SMG6: variants seen among roughly 807,000 people sequenced by gnomAD.
SMG6 encodes telomerase-binding protein EST1A.
SMG6 carries 66 observed loss-of-function variants against 142.2 expected under a neutral mutation model. That is an observed-to-expected ratio of 0.46 (90% confidence interval 0.38 to 0.57). SMG6 has a LOEUF of 0.57. SMG6 is among the 20% of genes least tolerant of loss of function. SMG6 has a pLI of 0.00. For missense variants in SMG6, 1,793 were observed against 1,832.0 expected (o/e 0.98, Z 0.39); for synonymous variants, 779 against 702.4 (o/e 1.11, Z -1.72).
chr17:2,098,258 C>T (rs556497581), intron 13 of SMG6, among the ~76,000 whole-genome samples: 2 of 152,138 alleles, frequency 1.3e-5, no homozygotes, highest in South Asian at 4.2e-4. Flanking sequence ...AGTGTTCGGA[C>T]TACAGGTGTG....
intron 13 of SMG6, among the ~76,000 whole-genome samples, chr17:2,131,491 G>A (rs2070119782): frequency 6.6e-6 from 1 of 151,920 alleles, no homozygotes; most frequent in Non-Finnish European, 1.5e-5. Context: ...GTAGAGACTG[G>A]GTTTCACTAT....
chr17:2,192,744 T>C (rs1236541639), intron 10 of SMG6, among the ~76,000 whole-genome samples: 1 of 152,166 alleles, frequency 6.6e-6, no homozygotes, highest in Non-Finnish European at 1.5e-5. Context: ...AAAACCTCCT[T>C]GTCTACAGGA....
chr17:2,084,316 G>A (rs1444001925), intron 14 of SMG6, among the ~76,000 whole-genome samples: 1 of 152,232 alleles, frequency 6.6e-6, no homozygotes, highest in African/African-American at 2.4e-5. Flanking sequence ...TGCCCTGCCA[G>A]CTTTAGCAAG....
At chr17:2,166,041 G>A (rs569229639) in intron 13 of SMG6, among the ~76,000 whole-genome samples, 2 of 152,134 alleles carry the variant, frequency 1.3e-5, no homozygotes, top group East Asian at 1.9e-4. Flanking sequence ...GCAAAACCCC[G>A]TCTCTACTAA....
At chr17:2,268,636 G>A (rs1482631089) in intron 8 of SMG6, among the ~76,000 whole-genome samples, 1 of 152,246 alleles carries the variant, frequency 6.6e-6, no homozygotes, top group Non-Finnish European at 1.5e-5. Flanking sequence ...ATTAGGCCGG[G>A]AGCGGTGGCT....
At chr17:2,093,729 G>A (rs1219741785) in intron 13 of SMG6, among the ~76,000 whole-genome samples, 19 of 152,154 alleles carry the variant, frequency 1.2e-4, no homozygotes, top group Non-Finnish European at 5.9e-5. Context: ...TTGCAGTGGC[G>A]TCATCATGGC....
intron 8 of SMG6, among the ~76,000 whole-genome samples, chr17:2,251,312 A>G (rs543690634): frequency 1.3e-5 from 2 of 152,062 alleles, no homozygotes; most frequent in East Asian, 3.9e-4. Flanking sequence ...CGTGACTCAA[A>G]TGCCTCGTAG....
chr17:2,218,532 C>T (rs1226855253), intron 10 of SMG6, among the ~76,000 whole-genome samples: 1 of 152,082 alleles, frequency 6.6e-6, no homozygotes, highest in Non-Finnish European at 1.5e-5. Flanking sequence ...AGCGACAGAC[C>T]GAGACTCCGT....
intron 8 of SMG6, among the ~76,000 whole-genome samples, chr17:2,246,571 A>G (rs1366150608): frequency 6.6e-6 from 1 of 152,238 alleles, no homozygotes; most frequent in South Asian, 2.1e-4. Context: ...ATTTATAGAT[A>G]AAAAGCTCAG....
chr17:2,295,540 A>G (rs1359389632), intron 4 of SMG6, among the ~76,000 whole-genome samples: 1 of 152,154 alleles, frequency 6.6e-6, no homozygotes, highest in African/African-American at 2.4e-5. Flanking sequence ...TTAACTCTTG[A>G]TAAGTTCATC....
intron 13 of SMG6, among the ~76,000 whole-genome samples, chr17:2,133,862 C>T (rs1721385788): frequency 6.6e-6 from 1 of 152,174 alleles, no homozygotes; most frequent in Non-Finnish European, 1.5e-5. Flanking sequence ...TTTTCTTCCT[C>T]CATTAAGCTG....
intron 10 of SMG6, among the ~76,000 whole-genome samples, chr17:2,209,347 TGC>T (rs2072779863): frequency 6.6e-6 from 1 of 152,028 alleles, no homozygotes; most frequent in Admixed American, 6.6e-5. Flanking sequence ...GGATTACACG[TGC>T]ACGCCACCAT....
intron 1 of SMG6, among the ~76,000 whole-genome samples, chr17:2,302,681 A>G (rs958840014): frequency 4.6e-5 from 7 of 152,236 alleles, no homozygotes; most frequent in Admixed American, 4.6e-4. Flanking sequence ...AAGGGGAAGA[A>G]AAGAGACTGA....
chr17:2,301,793 G>A lies in SMG6; in HGVS notation c.89-1129C>T, dbSNP rs2075284013. Among the ~76,000 whole-genome samples the A allele has an allele frequency of 2.0e-5, 3 of 152,354 alleles. No homozygotes were observed. The South Asian group carries it at 6.2e-4, about 32-fold the overall frequency. On this transcript the variant is annotated intron_variant, in intron 1 of 18. Coordinates refer to ENST00000263073, the MANE Select transcript of SMG6 (RefSeq NM_017575.5). ...GGAGGCGGAGCTTGCAGTACGCGGA[G>A]ATCGCGCCAGTGCACTCCAGCCCAG...
chr17:2,080,629 TTTTC>T (rs2068391609), intron 15 of SMG6, among the ~76,000 whole-genome samples: 1 of 152,076 alleles, frequency 6.6e-6, no homozygotes, highest in Middle Eastern at 3.4e-3. Context: ...ATTAGCACTT[TTTTC>T]TTTTTTCTTT....
intron 13 of SMG6, among the ~76,000 whole-genome samples, chr17:2,092,653 G>A (rs939478817): frequency 3.3e-5 from 5 of 152,224 alleles, no homozygotes; most frequent in African/African-American, 9.6e-5. Context: ...TCACACTGAA[G>A]GGAGAACCAG....
At chr17:2,136,414 A>C (rs910685863) in intron 13 of SMG6, among the ~76,000 whole-genome samples, 3 of 152,314 alleles carry the variant, frequency 2.0e-5, no homozygotes, top group South Asian at 2.1e-4. Context: ...TAAGAAATAG[A>C]AGTAAATCAT....
chr17:2,173,689 G>C (rs986936302), intron 12 of SMG6, among the ~76,000 whole-genome samples: 1 of 152,134 alleles, frequency 6.6e-6, no homozygotes, highest in African/African-American at 2.4e-5. Flanking sequence ...GGCTGAACCT[G>C]AGAAGAAACC....
intron 12 of SMG6, among the ~76,000 whole-genome samples, chr17:2,177,867 G>A (rs1375912603): frequency 2.6e-5 from 4 of 152,150 alleles, no homozygotes; most frequent in Non-Finnish European, 5.9e-5. Flanking sequence ...AGAGAACCAC[G>A]CCTAAGACAT....
Sources: gnomAD v4.1 joint callset for allele counts (sites outside exome capture counted in the v4.1 genomes callset) on GRCh38, gnomAD v4.1.1 for gene constraint, MANE v1.5 for transcripts, NCBI Gene and HGNC (gene_info 2026-07-23, HGNC 2026-07-21) for gene names.